The following STS variants were observed in gnomAD, a reference collection of about 807,000 sequenced individuals.
STS encodes the protein steryl-sulfatase.
STS carries 7 observed loss-of-function variants against 26.8 expected under a neutral mutation model. The observed-to-expected ratio is 0.26, with a 90% CI of 0.15 to 0.49. The LOEUF is 0.49. STS is among the 20% of genes least tolerant of loss of function. STS has a pLI of 0.98. For missense variants in STS, 434 were observed against 465.6 expected (o/e 0.93, Z 0.63); for synonymous variants, 199 against 189.4 (o/e 1.05, Z -0.42).
chrX:7,283,292 G>T (rs902457619), intron 7 of STS, among the ~76,000 whole-genome samples: 2 of 111,659 alleles, frequency 1.8e-5, no homozygotes, highest in Non-Finnish European at 3.8e-5. Flanking sequence ...AAAACCAAAA[G>T]AACAGCCAAA....
chrX:7,349,521 G>A (rs1928692218), intron 10 of STS, among the ~76,000 whole-genome samples: 1 of 106,767 alleles, frequency 9.4e-6, no homozygotes, highest in African/African-American at 3.4e-5. Context: ...TTTTTTAGCA[G>A]AGACGGGGTT....
chrX:7,322,428 G>A (rs1927082221), intron 8 of STS, among the ~76,000 whole-genome samples: 1 of 111,751 alleles, frequency 8.9e-6, no homozygotes, highest in African/African-American at 3.3e-5. Flanking sequence ...TGAGACAGAT[G>A]CTCACTCTGT....
rs1933862431 is a variant in STS at position 7,191,015 on chromosome X, A to G, written c.-5+7A>G. Reference sequence around the variant, plus strand: ...GTCTTCAGCTGTTCATAGCGTAAGTATGAGAGGTGCATATGTTTGTATCTT... The same window carrying G: ...GTCTTCAGCTGTTCATAGCGTAAGTGTGAGAGGTGCATATGTTTGTATCTT... On this transcript the variant is annotated splice_region_variant and intron_variant, in intron 2 of 10. Coordinates refer to ENST00000674429, the MANE Select transcript of STS (RefSeq NM_001320752.2). The G allele has an allele frequency of 1.3e-6, 1 of 750,254 alleles. No homozygotes were observed. Among genetic ancestry groups the G allele is most frequent in the Admixed American group, 8.9e-5 (1 of 11,260 alleles). The allele number at this position is 750,254 out of a possible 1,213,427, so 61.8% of individuals were successfully genotyped here.
At position 7,325,535 on chromosome X, in the gene STS, C is replaced by G. The variant is rs527589440; in HGVS notation, c.1241+37C>G. On this transcript the variant is annotated intron_variant, in intron 9 of 10. Transcript: ENST00000674429. ...CCAGGGTGGTTGGTATTGTTGAGCT[C>G]TGATTTCACAGCCCAGTATGCTCTG... 6.7e-4 allele frequency: 798 copies of G among 1,199,423 alleles called. 5 individuals are homozygous for G. The South Asian group carries it at 0.013, about 20-fold the overall frequency.
chrX:7,203,139 T>TC (rs1439243356), intron 2 of STS, among the ~76,000 whole-genome samples: 1 of 111,636 alleles, frequency 9.0e-6, no homozygotes, highest in Non-Finnish European at 1.9e-5. Context: ...CTCCAGGCTC[T>TC]CCCACCCTTG....
chrX:7,282,771 G>A (rs1325028833), intron 7 of STS, among the ~76,000 whole-genome samples: 1 of 112,115 alleles, frequency 8.9e-6, no homozygotes, highest in Non-Finnish European at 1.9e-5. Flanking sequence ...TGAAAGTATG[G>A]CGGTCAGGTG....
chrX:7,202,853 G>A (rs1408420138), intron 2 of STS, among the ~76,000 whole-genome samples: 2 of 110,315 alleles, frequency 1.8e-5, no homozygotes, highest in East Asian at 5.8e-4. Flanking sequence ...AGAGAAAAGA[G>A]TTCCCTCTCT....
chrX:7,148,955 T>C (rs1388913669), intron 1 of STS, among the ~76,000 whole-genome samples: 3 of 112,348 alleles, frequency 2.7e-5, no homozygotes, highest in Non-Finnish European at 5.6e-5. Flanking sequence ...TCTTTTTTTT[T>C]TTTCCCGTTT....
intron 2 of STS, among the ~76,000 whole-genome samples, chrX:7,198,519 TGGCG>T (rs1375733376): frequency 8.9e-6 from 1 of 111,951 alleles, no homozygotes; most frequent in East Asian, 2.8e-4. Flanking sequence ...TCTAAACTTG[TGGCG>T]AATTTGTTGT....
At chrX:7,200,161 G>C (rs1934043713) in intron 2 of STS, among the ~76,000 whole-genome samples, 1 of 107,931 alleles carries the variant, frequency 9.3e-6, no homozygotes, top group Non-Finnish European at 1.9e-5. Flanking sequence ...TTAATTCCTA[G>C]TTTTCTTCTT....
At chrX:7,246,034 G>A (rs189063655) in intron 2 of STS, among the ~76,000 whole-genome samples, 1 of 112,398 alleles carries the variant, frequency 8.9e-6, no homozygotes, top group East Asian at 2.8e-4. Flanking sequence ...CACGGATGTG[G>A]GGCTGGAGCC....
At chrX:7,341,357 T>C (rs979799285) in intron 10 of STS, among the ~76,000 whole-genome samples, 3 of 111,476 alleles carry the variant, frequency 2.7e-5, no homozygotes, top group African/African-American at 9.8e-5. Flanking sequence ...AATGTGGACA[T>C]CCTTGGCATC....
intron 2 of STS, among the ~76,000 whole-genome samples, chrX:7,242,753 G>T (rs1922683301): frequency 8.9e-6 from 1 of 112,004 alleles, no homozygotes; most frequent in African/African-American, 3.2e-5. Flanking sequence ...TAGCAAGTGG[G>T]GGAGAAAGAA....
intron 2 of STS, among the ~76,000 whole-genome samples, chrX:7,204,468 C>A (rs553027805): frequency 1.6e-4 from 17 of 107,828 alleles, no homozygotes; most frequent in African/African-American, 3.7e-4. Context: ...TGTTGATTCC[C>A]CTTCTTTCCT....
At chrX:7,210,415 G>A (rs1031075939) in intron 2 of STS, among the ~76,000 whole-genome samples, 9 of 107,465 alleles carry the variant, frequency 8.4e-5, no homozygotes, top group African/African-American at 3.0e-4. Context: ...ACACACACAC[G>A]TATTCATAGA....
intron 1 of STS, among the ~76,000 whole-genome samples, chrX:7,177,014 G>A (rs1489634175): frequency 8.9e-6 from 1 of 111,754 alleles, no homozygotes; most frequent in Non-Finnish European, 1.9e-5. Context: ...CCCACAGCGT[G>A]TATCATTTTT....
At chrX:7,227,747 C>T (rs1012193386) in intron 2 of STS, among the ~76,000 whole-genome samples, 8 of 111,491 alleles carry the variant, frequency 7.2e-5, no homozygotes, top group African/African-American at 2.6e-4. Flanking sequence ...CAGATCTAAC[C>T]TCTTAAAATT....
intron 1 of STS, among the ~76,000 whole-genome samples, chrX:7,179,972 G>C (rs1933649709): frequency 9.0e-6 from 1 of 111,560 alleles, no homozygotes; most frequent in Non-Finnish European, 1.9e-5. Context: ...TATGTTAATT[G>C]ACTTGATAAT....
intron 1 of STS, among the ~76,000 whole-genome samples, chrX:7,165,953 G>A (rs758727863): frequency 5.4e-5 from 6 of 110,481 alleles, no homozygotes; most frequent in Admixed American, 2.9e-4. Context: ...AACTTTGTGT[G>A]GTGCCTCATA....
Sources: allele counts gnomAD v4.1 joint callset (sites outside exome capture counted in the v4.1 genomes callset), GRCh38; gene constraint gnomAD v4.1.1; transcripts MANE v1.5; gene names NCBI Gene and HGNC (gene_info 2026-07-23, HGNC 2026-07-21).